SLIT2: variants seen among roughly 807,000 people sequenced by gnomAD.
The protein encoded by SLIT2 is slit guidance ligand 2.
SLIT2 carries 41 observed loss-of-function variants against 185.7 expected under a neutral mutation model. That is an observed-to-expected ratio of 0.22 (90% confidence interval 0.17 to 0.29). The LOEUF (loss-of-function observed/expected upper bound fraction) is 0.29. SLIT2 is among the 10% of genes least tolerant of loss of function. SLIT2 has a pLI of 1.00. For missense variants in SLIT2, 1,571 were observed against 1,909.0 expected (o/e 0.82, Z 3.30); for synonymous variants, 693 against 680.2 (o/e 1.02, Z -0.29).
chr4:20,488,493 C>G (rs1432593004), intron 7 of SLIT2, among the ~76,000 whole-genome samples: 3 of 152,116 alleles, frequency 2.0e-5, no homozygotes, highest in African/African-American at 4.8e-5. Flanking sequence ...CACCCCACCC[C>G]CATTGGCTCT....
intron 9 of SLIT2, among the ~76,000 whole-genome samples, chr4:20,499,655 G>A (rs1405239433): frequency 1.3e-5 from 2 of 151,888 alleles, no homozygotes; most frequent in Non-Finnish European, 2.9e-5. Flanking sequence ...TACCCAGCTA[G>A]TTCTTTGTAT....
chr4:20,378,317 A>G (rs186440280), intron 4 of SLIT2, among the ~76,000 whole-genome samples: 1 of 152,328 alleles, frequency 6.6e-6, no homozygotes, highest in African/African-American at 2.4e-5. Context: ...GCATGTAAAC[A>G]GGATATGACA....
chr4:20,412,566 T>C (rs1727341168), intron 4 of SLIT2, among the ~76,000 whole-genome samples: 1 of 152,130 alleles, frequency 6.6e-6, no homozygotes, highest in African/African-American at 2.4e-5. Flanking sequence ...AGGCAAATAC[T>C]ATTTTGTCAT....
chr4:20,418,844 A>G (rs564802376), intron 4 of SLIT2, among the ~76,000 whole-genome samples: 2 of 152,308 alleles, frequency 1.3e-5, no homozygotes, highest in South Asian at 4.1e-4. Flanking sequence ...TAAAAGAGAG[A>G]AAACAAATGT....
At chr4:20,539,322 C>T in intron 18 of SLIT2, 119 bp from the exon 19 acceptor site, 2 of 838,300 alleles carry the variant, frequency 2.4e-6, no homozygotes, top group East Asian at 2.6e-5. Flanking sequence ...AGCAAGAGAA[C>T]ATTTTTAAAA....
At chr4:20,455,201 C>G (rs1363302807) in intron 4 of SLIT2, among the ~76,000 whole-genome samples, 1 of 152,090 alleles carries the variant, frequency 6.6e-6, no homozygotes, top group African/African-American at 2.4e-5. Context: ...TTCCTATAGT[C>G]TGTTCAAATT....
chr4:20,551,475 C>T (rs1024172915), intron 25 of SLIT2, among the ~76,000 whole-genome samples: 3 of 152,088 alleles, frequency 2.0e-5, no homozygotes, highest in African/African-American at 7.2e-5. Flanking sequence ...TTTGGAAGTA[C>T]AGTATAACCA....
intron 26 of SLIT2, among the ~76,000 whole-genome samples, chr4:20,556,783 G>A (rs1017792133): frequency 6.6e-6 from 1 of 152,054 alleles, no homozygotes; most frequent in African/African-American, 2.4e-5. Flanking sequence ...TGAAAGCCGA[G>A]AGAGACCCAA....
At chr4:20,570,735 A>ATATATATATATATATATATATG (rs1725521687) in intron 29 of SLIT2, among the ~76,000 whole-genome samples, 20 of 19,818 alleles carry the variant, frequency 1.0e-3, no homozygotes, top group African/African-American at 3.7e-3. Context: ...ATATATGTAT[A>ATATATATATATATATATATATG]TATATATATA....
At chr4:20,532,897 TTC>T (rs1466356798) in intron 17 of SLIT2, among the ~76,000 whole-genome samples, 1 of 152,204 alleles carries the variant, frequency 6.6e-6, no homozygotes, top group Non-Finnish European at 1.5e-5. Flanking sequence ...CTGTGTGCAA[TTC>T]TCTCAGAGAA....
chr4:20,319,844 C>T (rs575121973), intron 4 of SLIT2, among the ~76,000 whole-genome samples: 2 of 151,582 alleles, frequency 1.3e-5, no homozygotes, highest in Admixed American at 6.6e-5. Context: ...CATCCCCAAA[C>T]CAAAACACCT....
intron 21 of SLIT2, among the ~76,000 whole-genome samples, chr4:20,544,030 G>T (rs527846024): frequency 4.6e-5 from 7 of 151,968 alleles, no homozygotes; most frequent in Admixed American, 1.3e-4. Flanking sequence ...GTCTTGGTGT[G>T]GGGGGATGGG....
intron 11 of SLIT2, among the ~76,000 whole-genome samples, chr4:20,518,567 A>G (rs1720485295): frequency 1.3e-3 from 17 of 12,756 alleles, no homozygotes; most frequent in East Asian, 9.4e-3. Flanking sequence ...GTATATATAT[A>G]TATATATATA....
chr4:20,353,083 T>G (rs1393722446), intron 4 of SLIT2, among the ~76,000 whole-genome samples: 3 of 152,194 alleles, frequency 2.0e-5, no homozygotes, highest in Non-Finnish European at 2.9e-5. Context: ...ATATCAATCT[T>G]GCCTTTGTTC....
intron 4 of SLIT2, among the ~76,000 whole-genome samples, chr4:20,399,402 G>A (rs1726175972): frequency 6.6e-6 from 1 of 151,628 alleles, no homozygotes; most frequent in Non-Finnish European, 1.5e-5. Context: ...GTGTCCCTGG[G>A]CGAACCATAA....
chr4:20,374,471 G>A (rs1211819855), intron 4 of SLIT2, among the ~76,000 whole-genome samples: 1 of 151,856 alleles, frequency 6.6e-6, no homozygotes, highest in Non-Finnish European at 1.5e-5. Flanking sequence ...CATTTAAATG[G>A]CCTGCTTTAA....
chr4:20,551,501 TAA>T (rs1303113972), intron 25 of SLIT2, among the ~76,000 whole-genome samples: 1 of 152,184 alleles, frequency 6.6e-6, no homozygotes, highest in African/African-American at 2.4e-5. Context: ...AAATATGTGA[TAA>T]GTGTGGTCCA....
chr4:20,352,205 T>A (rs1341963418), intron 4 of SLIT2, among the ~76,000 whole-genome samples: 2 of 152,190 alleles, frequency 1.3e-5, no homozygotes, highest in Non-Finnish European at 2.9e-5. Context: ...TTACTGAACT[T>A]AAAATCATCA....
At chr4:20,513,737 G>GT (rs565984916) in intron 11 of SLIT2, among the ~76,000 whole-genome samples, 160 of 146,778 alleles carry the variant, frequency 1.1e-3, no homozygotes, top group African/African-American at 4.1e-3. Flanking sequence ...AGCTGTGGTT[G>GT]GCGGGGGGAA....
Sources: gnomAD v4.1 joint callset for allele counts (sites outside exome capture counted in the v4.1 genomes callset) on GRCh38, gnomAD v4.1.1 for gene constraint, MANE v1.5 for transcripts, NCBI Gene and HGNC (gene_info 2026-07-23, HGNC 2026-07-21) for gene names.